The following CDC42BPB variants were observed in gnomAD, a reference collection of about 807,000 sequenced individuals.
CDC42BPB encodes the protein CDC42 binding protein kinase beta.
A neutral mutation model predicts 214.9 loss-of-function variants in CDC42BPB; 37 were observed. That is an observed-to-expected ratio of 0.17 (90% CI 0.13 to 0.23). CDC42BPB has a LOEUF of 0.23. Ranked by LOEUF, CDC42BPB falls within the 10% of genes least tolerant of loss-of-function variation. The pLI, the probability that CDC42BPB is intolerant of heterozygous loss-of-function variation, is 1.00. For synonymous variants in CDC42BPB, 931 were observed against 884.0 expected (o/e 1.05, Z -0.94); for missense variants, 1,694 against 2,227.0 (o/e 0.76, Z 4.82).
chr14:103,056,762 G>C (rs34765177), intron 1 of CDC42BPB, among the ~76,000 whole-genome samples: 2,489 of 152,196 alleles, frequency 0.016, 71 homozygotes, highest in African/African-American at 0.056. Context: ...GTCGAGCCTA[G>C]GGAGGGCAAG....
At chr14:103,054,441 T>C (rs1383402972) in intron 1 of CDC42BPB, among the ~76,000 whole-genome samples, 1 of 152,204 alleles carries the variant, frequency 6.6e-6, no homozygotes, top group East Asian at 1.9e-4. Context: ...CCTATATGTG[T>C]TTCCTGAGCA....
At chr14:103,010,076 A>C (rs977713660) in intron 2 of CDC42BPB, among the ~76,000 whole-genome samples, 1 of 152,210 alleles carries the variant, frequency 6.6e-6, no homozygotes, top group African/African-American at 2.4e-5. Flanking sequence ...GCTTGAGCCC[A>C]GGAGTTCAAG....
chr14:103,038,625 C>G (rs1887802714), intron 1 of CDC42BPB, among the ~76,000 whole-genome samples: 1 of 150,794 alleles, frequency 6.6e-6, no homozygotes, highest in African/African-American at 2.4e-5. Flanking sequence ...CTCCTGGGTT[C>G]AAGCAATCCT....
At chr14:102,947,603 G>T in intron 27 of CDC42BPB, 118 bp downstream of exon 27, 1 of 867,654 alleles carries the variant, frequency 1.2e-6, no homozygotes, top group Non-Finnish European at 1.9e-6. Flanking sequence ...CAGGCTGGAG[G>T]TTGAGACCCT....
intron 3 of CDC42BPB, among the ~76,000 whole-genome samples, chr14:103,006,362 A>C (rs2139619987): frequency 6.6e-6 from 1 of 152,356 alleles, no homozygotes; most frequent in South Asian, 2.1e-4. Context: ...CGCCTCCAGG[A>C]GACGCTCCCT....
intron 33 of CDC42BPB, 27 bp from the exon 34 acceptor site, chr14:102,939,754 T>C (rs2139345017): frequency 6.2e-7 from 1 of 1,614,132 alleles, no homozygotes. Context: ...CTTTTGAGAT[T>C]CATGGATACG....
intron 1 of CDC42BPB, among the ~76,000 whole-genome samples, chr14:103,024,581 T>A (rs1416914915): frequency 6.6e-6 from 1 of 152,188 alleles, no homozygotes; most frequent in Admixed American, 6.5e-5. Context: ...ACCAAACTCT[T>A]AGGATTAATT....
chr14:103,002,934 TTC>T (rs1595132276), intron 4 of CDC42BPB, among the ~76,000 whole-genome samples: 1 of 152,138 alleles, frequency 6.6e-6, no homozygotes, highest in East Asian at 1.9e-4. Flanking sequence ...TCTCAGGGCT[TTC>T]TCTGATGCTT....
chr14:102,935,868 G>C (rs1423365569), intron 36 of CDC42BPB, among the ~76,000 whole-genome samples: 1 of 151,970 alleles, frequency 6.6e-6, no homozygotes, highest in Non-Finnish European at 1.5e-5. Context: ...ACAAGAGCCT[G>C]GTACTCAGAA....
At chr14:103,049,451 C>T (rs1351824908) in intron 1 of CDC42BPB, among the ~76,000 whole-genome samples, 5 of 152,240 alleles carry the variant, frequency 3.3e-5, no homozygotes, top group African/African-American at 4.8e-5. Context: ...TTATTTAAGT[C>T]ACTGTCACTT....
intron 7 of CDC42BPB, 184 bp from the exon 8 acceptor site, chr14:102,981,205 C>G: frequency 1.0e-6 from 1 of 985,136 alleles, no homozygotes; most frequent in Non-Finnish European, 1.2e-6. Context: ...ACCAGTGGTC[C>G]TTCTGGTTTT....
intron 13 of CDC42BPB, among the ~76,000 whole-genome samples, chr14:102,970,681 C>T (rs1310652864): frequency 3.3e-5 from 5 of 152,212 alleles, no homozygotes; most frequent in Non-Finnish European, 7.3e-5. Context: ...GAGCCAAGCC[C>T]GCTTCATCTC....
chr14:102,954,883 T>C, intron 21 of CDC42BPB, 195 bp from the exon 22 acceptor site: 1 of 870,664 alleles, frequency 1.1e-6, no homozygotes, highest in Non-Finnish European at 1.4e-6. Context: ...CGGCCTGCCC[T>C]GAGGACCCCT....
intron 1 of CDC42BPB, among the ~76,000 whole-genome samples, chr14:103,015,851 G>A (rs902089247): frequency 2.6e-5 from 4 of 151,844 alleles, no homozygotes; most frequent in Non-Finnish European, 4.4e-5. Context: ...CGGGATTACA[G>A]GCACGTGCCA....
chr14:103,048,118 C>A (rs531926545), intron 1 of CDC42BPB, among the ~76,000 whole-genome samples: 14 of 152,246 alleles, frequency 9.2e-5, no homozygotes, highest in Admixed American at 4.6e-4. Flanking sequence ...GCAGGACACC[C>A]GGCCCAGGCT....
chr14:102,947,382 CT>C (rs1197293838), intron 27 of CDC42BPB, among the ~76,000 whole-genome samples: 1 of 152,212 alleles, frequency 6.6e-6, no homozygotes, highest in Non-Finnish European at 1.5e-5. Context: ...GGAGAGGCAC[CT>C]TCATGCCTAA....
chr14:103,051,279 C>T (rs1291959306), intron 1 of CDC42BPB, among the ~76,000 whole-genome samples: 1 of 151,894 alleles, frequency 6.6e-6, no homozygotes, highest in Non-Finnish European at 1.5e-5. Context: ...GAGCTTCTCA[C>T]ACAAATTTAA....
chr14:102,956,683 GCTGGGTGCGGTGGCGAGC>G (rs1892719310), intron 21 of CDC42BPB, among the ~76,000 whole-genome samples: 1 of 152,048 alleles, frequency 6.6e-6, no homozygotes, highest in South Asian at 2.1e-4. Context: ...TTAAAAATTA[GCTGGGTGCGGTGGCGAGC>G]ACCTGTAGTG....
intron 1 of CDC42BPB, 91 bp downstream of exon 1, chr14:103,056,908 G>A (rs1889012117): frequency 1.0e-6 from 1 of 957,264 alleles, no homozygotes; most frequent in East Asian, 3.3e-5. Flanking sequence ...GGCAGGGTCT[G>A]TCCGGGCGGG....
Sources: allele counts gnomAD v4.1 joint callset (sites outside exome capture counted in the v4.1 genomes callset), GRCh38; gene constraint gnomAD v4.1.1; transcripts MANE v1.5; gene names NCBI Gene and HGNC (gene_info 2026-07-23, HGNC 2026-07-21).